Variants in ANKRD17 observed in about 807,000 individuals in gnomAD.
The protein encoded by ANKRD17 is ankyrin repeat domain-containing protein 17.
Under a neutral mutation model 229.7 loss-of-function variants are expected in ANKRD17, and 19 were observed. That is an observed-to-expected ratio of 0.08 (90% CI 0.06 to 0.12). The LOEUF (loss-of-function observed/expected upper bound fraction) is 0.12. Among genes scored for constraint, ANKRD17 ranks in the 10% least tolerant of loss-of-function variants. The pLI is 1.00. For synonymous variants in ANKRD17, 1,112 were observed against 1,146.1 expected, an observed-to-expected ratio of 0.97 and a Z score of 0.60; for missense variants, 2,176 against 3,176.8, an observed-to-expected ratio of 0.68 and a Z score of 7.57.
At chr4:73,114,812 T>C (rs910853755) in intron 23 of ANKRD17, among the ~76,000 whole-genome samples, 2 of 152,198 alleles carry the variant, frequency 1.3e-5, no homozygotes, top group African/African-American at 2.4e-5. Flanking sequence ...TATCATGTAA[T>C]AGCAACTGTG....
Position 73,258,307 on chromosome 4 carries a change from T to A in ANKRD17, c.362A>T (p.Asp121Val), listed in dbSNP as rs772761034. The A allele has an allele frequency of 6.2e-6, 10 of 1,613,796 alleles. 1 individual carries two copies. In the South Asian group the frequency reaches 9.9e-5, roughly 16 times the overall value. Residue 121 changes from aspartate to valine, a missense_variant, in exon 1 of 34, where the codon GAC becomes GTC. By Grantham distance (152) the Asp-to-Val change is radical. Transcript: ENST00000358602. ...AACCTCCTCTTCCTCGTCGTCGTCG[T>A]CCTCTTCTTCCTCGCTGTTGTTACT... ...TSSNNSEEEE[D>V]DDDEEEEVSE...
chr4:73,177,330 T>C (rs1172394330), intron 2 of ANKRD17, 50 bp downstream of exon 2: 2 of 1,411,010 alleles, frequency 1.4e-6, no homozygotes, highest in African/African-American at 1.4e-5. Context: ...ATTAGATTGA[T>C]GTGCAACTTT....
At chr4:73,213,254 T>C (rs1307852675) in intron 1 of ANKRD17, among the ~76,000 whole-genome samples, 1 of 152,070 alleles carries the variant, frequency 6.6e-6, no homozygotes, top group Non-Finnish European at 1.5e-5. Flanking sequence ...TAGAACCAGG[T>C]AAGGATAAAC....
At chr4:73,134,496 C>T (rs748125610) in intron 16 of ANKRD17, among the ~76,000 whole-genome samples, 13 of 152,100 alleles carry the variant, frequency 8.5e-5, no homozygotes, top group Admixed American at 2.0e-4. Flanking sequence ...TCACCTTGCC[C>T]TGAGATTTCA....
intron 27 of ANKRD17, among the ~76,000 whole-genome samples, chr4:73,095,650 C>T (rs1047686133): frequency 6.8e-6 from 1 of 147,558 alleles, no homozygotes; most frequent in African/African-American, 2.5e-5. Flanking sequence ...TGCAAAATTA[C>T]ATTTTAATTT....
chr4:73,135,274 C>T lies in ANKRD17; in HGVS notation c.3086-9G>A, dbSNP rs746152196. On this transcript the variant is annotated splice_polypyrimidine_tract_variant and intron_variant, in intron 15 of 33. Transcript: ENST00000358602. ...TGCTCTTCCACTGACTGCTGTTGAA[C>T]AAAATAACTGCACTTAATAAGGATG... The T allele has an allele frequency of 3.1e-6, 5 of 1,604,818 alleles. No homozygotes were observed. In the African/African-American group the frequency reaches 5.4e-5, roughly 17 times the overall value.
At chr4:73,225,840 C>A (rs1742407445) in intron 1 of ANKRD17, among the ~76,000 whole-genome samples, 1 of 96,490 alleles carries the variant, frequency 1.0e-5, no homozygotes. Flanking sequence ...CCAGCTTGGG[C>A]AACAGGGCAA....
chr4:73,092,530 CAGA>C (rs982144548), intron 28 of ANKRD17, among the ~76,000 whole-genome samples: 4 of 152,108 alleles, frequency 2.6e-5, no homozygotes, highest in Non-Finnish European at 5.9e-5. Context: ...TTTTATTTTT[CAGA>C]AGAATAGTAA....
chr4:73,139,546 C>T lies in ANKRD17; in HGVS notation c.3070G>A (p.Asp1024Asn). Residue 1024 changes from aspartate to asparagine, a missense_variant, in exon 15 of 34, where the codon GAT becomes AAT. By Grantham distance (23) the Asp-to-Asn change is conservative. This residue lies in a region of ANKRD17 where 230 missense variants were observed against 252.3 expected (regional missense o/e 0.91). Coordinates refer to ENST00000358602, the MANE Select transcript of ANKRD17 (RefSeq NM_032217.5). ...ATAAACCCACCTGCCATGATGTCAT[C>T]CAGCGTGTCATTGAGGGTCTGAGCA... is the stretch of plus-strand genomic sequence containing the variant. ...SPAQTLNDTL[D>N]DIMAAVSGRA... The T allele has an allele frequency of 1.2e-6, 2 of 1,612,808 alleles. No homozygotes were observed. The highest frequency in any genetic ancestry group is 1.7e-6 in the Non-Finnish European group (2 of 1,179,236).
chr4:73,092,068 C>G lies in ANKRD17; in HGVS notation c.5560G>C (p.Val1854Leu). The change falls in exon 29 of 34, where the codon GTG becomes CTG. Residue 1854 changes from valine (V) to leucine (L), a missense_variant. Around this residue, in one of 18 missense-constraint regions of ANKRD17, gnomAD observed 142 missense variants for 200.4 expected, o/e 0.71. Coordinates refer to ENST00000358602, the MANE Select transcript of ANKRD17 (RefSeq NM_032217.5). ...GTGGATGCAGAAGAAATTGCAGGCA[C>G]AGTGAGTGCTGTGGCAGTTTGAGAT... ...STSQTATALT[V>L]PAISSASTHK... 6.2e-7 allele frequency: 1 copy of G among 1,614,198 alleles called. No individual in the cohort carries two copies. The highest frequency in any genetic ancestry group is 1.6e-4 in the Middle Eastern group (1 of 6,062).
intron 1 of ANKRD17, among the ~76,000 whole-genome samples, chr4:73,235,389 C>CATCT (rs1482473027): frequency 3.9e-5 from 6 of 152,178 alleles, no homozygotes; most frequent in Non-Finnish European, 7.3e-5. Context: ...AGTTTAGATC[C>CATCT]ATCTATGCAC....
chr4:73,170,841 C>G (rs1733893886), intron 2 of ANKRD17, among the ~76,000 whole-genome samples: 1 of 152,060 alleles, frequency 6.6e-6, no homozygotes, highest in Non-Finnish European at 1.5e-5. Context: ...TGAGTGCCAG[C>G]AAAGATACAG....
At chr4:73,151,308 C>A in intron 7 of ANKRD17, 122 bp downstream of exon 7, 1 of 811,804 alleles carries the variant, frequency 1.2e-6, no homozygotes, top group Admixed American at 3.0e-5. Context: ...TGTTGTACAA[C>A]TGATTCAATA....
At position 73,149,042 on chromosome 4, in the gene ANKRD17, A is replaced by G. The variant is rs1384489297; in HGVS notation, c.1338T>C (p.His446=). 6.2e-7 allele frequency: 1 copy of G among 1,612,134 alleles called. No homozygotes were observed. The highest frequency in any genetic ancestry group is 2.2e-5 in the East Asian group (1 of 44,844). ...TALMEACMDG[H]VEVARLLLDS... ...CAAGAAGTAACCTAGCTACTTCAAC[A>G]TGGCCATCCTAATGATAATACAATT... The change falls in exon 8 of 34, where the codon CAT becomes CAC. Residue 446 remains histidine (H), a synonymous_variant. Transcript: ENST00000358602.
intron 2 of ANKRD17, 73 bp downstream of exon 2, chr4:73,177,307 A>T: frequency 7.5e-7 from 1 of 1,331,236 alleles, no homozygotes; most frequent in Non-Finnish European, 9.9e-7. Flanking sequence ...ATTCATTTTT[A>T]ACAAGAGCTT....
At chr4:73,229,279 TAATAA>T (rs780295395) in intron 1 of ANKRD17, among the ~76,000 whole-genome samples, 30 of 152,258 alleles carry the variant, frequency 2.0e-4, no homozygotes, top group Non-Finnish European at 4.0e-4. Flanking sequence ...ACTTAAAGTA[TAATAA>T]AATAAAATAA....
chr4:73,097,287 G>A lies in ANKRD17; in HGVS notation c.5022-15C>T. The A allele has an allele frequency of 1.3e-6, 2 of 1,557,836 alleles. No individual in the cohort carries two copies. Among genetic ancestry groups the A allele is most frequent in the Non-Finnish European group, 8.6e-7 (1 of 1,156,720 alleles). On this transcript the variant is annotated splice_polypyrimidine_tract_variant and intron_variant, in intron 26 of 33. Coordinates refer to ENST00000358602, the MANE Select transcript of ANKRD17 (RefSeq NM_032217.5). ...TTTCTGACAATCTTTAACAAAGAGA[G>A]GGAAAGTACATTAAATATGGAACAG...
In ANKRD17 at chr4:73,139,550, C is replaced by A. The variant is rs571125780; in HGVS notation, c.3066G>T (p.Thr1022=). The change falls in exon 15 of 34, where the codon ACG becomes ACT. Residue 1022 remains threonine (T), a synonymous_variant. Coordinates refer to ENST00000358602, the MANE Select transcript of ANKRD17 (RefSeq NM_032217.5). ...VASPAQTLND[T]LDDIMAAVSG... is the part of the protein sequence containing the mutation. ...ACCCACCTGCCATGATGTCATCCAG[C>A]GTGTCATTGAGGGTCTGAGCAGGGC... The A allele has an allele frequency of 1.1e-5, 18 of 1,612,984 alleles. No homozygotes were observed. The highest frequency in any genetic ancestry group is 1.4e-5 in the Non-Finnish European group (17 of 1,179,342).
At chr4:73,204,130 C>T (rs987075219) in intron 1 of ANKRD17, among the ~76,000 whole-genome samples, 4 of 151,786 alleles carry the variant, frequency 2.6e-5, no homozygotes, top group Non-Finnish European at 4.4e-5. Context: ...GAGGCACAGG[C>T]GGGCGATCAC....
Sources: gnomAD v4.1 joint callset for allele counts (sites outside exome capture counted in the v4.1 genomes callset) on GRCh38, gnomAD v4.1.1 for gene constraint, gnomAD v4.1.1 regional missense constraint, MANE v1.5 for transcripts, NCBI Gene and HGNC (gene_info 2026-07-23, HGNC 2026-07-21) for gene names.